The following ZNF574 variants were observed in gnomAD, a reference collection of about 807,000 sequenced individuals.
The protein encoded by ZNF574 is zinc finger protein 574.
ZNF574 carries 25 observed loss-of-function variants against 56.6 expected under a neutral mutation model. The observed-to-expected ratio is 0.44, with a 90% CI of 0.32 to 0.62. The LOEUF (loss-of-function observed/expected upper bound fraction) is 0.62. ZNF574 is among the 20% of genes least tolerant of loss of function. ZNF574 has a pLI of 0.04. For synonymous variants in ZNF574, 543 were observed against 492.1 expected (o/e 1.10, Z -1.37); for missense variants, 1,065 against 1,218.9 (o/e 0.87, Z 1.88).
intron 1 of ZNF574, chr19:42,070,795 C>T (rs1789726373): frequency 6.5e-6 from 1 of 152,698 alleles, no homozygotes; most frequent in Non-Finnish European, 1.5e-5. Flanking sequence ...ACAGAAAGCA[C>T]TCCTCAGATA....
chr19:42,073,557 ATGCCTGTAATCCCAGCAC>A (rs2076438685), upstream of ZNF574, among the ~76,000 whole-genome samples: 1 of 151,058 alleles, frequency 6.6e-6, no homozygotes, highest in African/African-American at 2.4e-5. Context: ...ATGGTGGCTC[ATGCCTGTAATCCCAGCAC>A]TTTGGGAGGT....
chr19:42,078,767 TCACTGTGGC>T lies in ZNF574; in HGVS notation c.165_173del (p.Val56_Thr58del). The T allele has an allele frequency of 6.2e-7, 1 of 1,613,784 alleles. No homozygotes were observed. The highest frequency in any genetic ancestry group is 8.5e-7 in the Non-Finnish European group (1 of 1,179,906). Reference sequence around the variant, plus strand: ...CTGGTGGGCGTGGCTGATCCCGGAGTCACTGTGGCCACAGACACAGCTTCAGGCACGGGC... The same window carrying T: ...CTGGTGGGCGTGGCTGATCCCGGAGTCACAGACACAGCTTCAGGCACGGGC... On this transcript the variant is annotated inframe_deletion, in exon 2 of 2. Transcript: ENST00000359044.
Position 42,076,203 on chromosome 19 carries a change from A to T in ZNF574, c.-104A>T, listed in dbSNP as rs1376265854. 1.3e-5 allele frequency: 2 copies of T among 152,424 alleles called. No individual in the cohort carries two copies. The highest frequency in any genetic ancestry group is 4.8e-5 in the African/African-American group (2 of 41,556). The allele number at this position is 152,424 out of a possible 1,614,324, so 9.4% of individuals were successfully genotyped here. ...ACGGAGCAGGCGAGAGGCGACGGCGAGAGCTAGAGCGGGCGCAGCGTTAGG... is the reference window on the plus strand; with the variant it reads ...ACGGAGCAGGCGAGAGGCGACGGCGTGAGCTAGAGCGGGCGCAGCGTTAGG... On this transcript the variant is annotated 5_prime_UTR_variant, in exon 1 of 2. Transcript: ENST00000359044.
At chr19:42,074,486 AAAATAAAATAAAAT>A, upstream of ZNF574, among the ~76,000 whole-genome samples, 4 of 148,370 alleles carry the variant, frequency 2.7e-5, no homozygotes, top group Admixed American at 6.7e-5. Context: ...AAAATAAAAT[AAAATAAAATAAAAT>A]AAAAATAAAA....
chr19:42,076,002 G>A (rs916068926), upstream of ZNF574, among the ~76,000 whole-genome samples: 4 of 152,258 alleles, frequency 2.6e-5, no homozygotes, highest in Admixed American at 6.5e-5. Context: ...GTTGGGCGCT[G>A]CGGGGAATCT....
chr19:42,079,059 C>T lies in ZNF574; in HGVS notation c.453C>T (p.Ala151=). Residue 151 remains alanine, a synonymous_variant, in exon 2 of 2, where the codon GCC becomes GCT. Transcript: ENST00000359044. The surrounding 1 kb of genome is among the most constrained non-coding windows in gnomAD (Gnocchi z 4.3). ...ACCACCGGCAGACGCACCTCCGGGC[C>T]ACACCCACCAAGGCTCCTGCCCCTG... is the stretch of plus-strand genomic sequence containing the variant. ...WLNHRQTHLR[A]TPTKAPAPVV... is the part of the protein sequence containing the mutation. 6.2e-7 allele frequency: 1 copy of T among 1,614,186 alleles called. No homozygotes were observed.
chr19:42,081,088 G>A lies in ZNF574; in HGVS notation c.2482G>A (p.Gly828Ser). ...GERPYSCPDCGKSYRSFSNLW... is the reference protein window; with the variant it reads ...GERPYSCPDCSKSYRSFSNLW... ...ACGACCCTACTCCTGCCCTGACTGT[G>A]GCAAGAGCTACCGCTCCTTCTCCAA... The change falls in exon 2 of 2, where the codon GGC (glycine) becomes AGC (serine). Residue 828 changes from glycine (G) to serine (S), a missense_variant. Gly to Ser is a moderately conservative substitution (Grantham distance 56). Transcript: ENST00000359044. 1 of 1,614,198 alleles carries A rather than the reference G, an allele frequency of 6.2e-7. No homozygotes were observed. The highest frequency in any genetic ancestry group is 8.5e-7 in the Non-Finnish European group (1 of 1,180,050).
Position 42,081,288 on chromosome 19 carries a change from C to A in ZNF574, c.2682C>A (p.Ile894=). 2 of 1,614,174 alleles carry A rather than the reference C, an allele frequency of 1.2e-6. No homozygotes were observed. Among genetic ancestry groups the A allele is most frequent in the Non-Finnish European group, 1.7e-6 (2 of 1,180,050 alleles). ...TGGCCGAGGCTGAGGGGGTCCAGATCAGTGGCTGACTCTGCCCGACTTCCT... is the reference window on the plus strand; with the variant it reads ...TGGCCGAGGCTGAGGGGGTCCAGATAAGTGGCTGACTCTGCCCGACTTCCT... The part of the protein sequence containing the change: ...YPLAEAEGVQ[I]SG Residue 894 remains isoleucine (I), a synonymous_variant, in exon 2 of 2, where the codon ATC becomes ATA. Transcript: ENST00000359044.
Position 42,080,918 on chromosome 19 carries a change from G to A in ZNF574, c.2312G>A (p.Cys771Tyr). 6.2e-7 allele frequency: 1 copy of A among 1,614,162 alleles called. No individual in the cohort carries two copies. Among genetic ancestry groups the A allele is most frequent in the South Asian group, 1.1e-5 (1 of 91,090 alleles). ...GAGCGGCCATACCCATGTCCAGACT[G>A]TGGCAAAGCGTTCCGTCAGAGTACC... ...TGERPYPCPD[C>Y]GKAFRQSTHL... The change falls in exon 2 of 2, where the codon TGT becomes TAT. Residue 771 changes from cysteine (C) to tyrosine (Y), a missense_variant. Cys to Tyr is a radical substitution (Grantham distance 194, BLOSUM62 -2). Coordinates refer to ENST00000359044, the MANE Select transcript of ZNF574 (RefSeq NM_022752.6). The surrounding 1 kb of genome is among the most constrained non-coding windows in gnomAD (Gnocchi z 8.5).
At chr19:42,070,769 A>G (rs1438075655) in intron 1 of ZNF574, 1 of 152,612 alleles carries the variant, frequency 6.6e-6, no homozygotes, top group Admixed American at 6.5e-5. Flanking sequence ...GAGACACAAG[A>G]GAGAGGCCCC....
rs1366162699 is a variant in ZNF574, at chr19:42,079,917, A to G, written c.1311A>G (p.Pro437=). 3 of 1,613,952 alleles carry G rather than the reference A, an allele frequency of 1.9e-6. No homozygotes were observed. The South Asian group carries it at 3.3e-5, about 18-fold the overall frequency. ...AACCTGTCATTGGTTTCCCTGAGCC[A>G]GCCCCAGCAGAGACTGGAGAGCCAG... The part of the protein sequence containing the change: ...PEEPVIGFPE[P]APAETGEPEA... The change falls in exon 2 of 2, where the codon CCA becomes CCG. Residue 437 remains proline, a synonymous_variant. Coordinates refer to ENST00000359044, the MANE Select transcript of ZNF574 (RefSeq NM_022752.6). This position sits in a 1 kb window ranked among gnomAD's most constrained non-coding sequence, Gnocchi z 4.3.
Position 42,080,500 on chromosome 19 carries a change from G to A in ZNF574, c.1894G>A (p.Gly632Arg). The change falls in exon 2 of 2, where the codon GGG (glycine) becomes AGG (arginine). Residue 632 changes from glycine to arginine, a missense_variant. Transcript: ENST00000359044. This position sits in a 1 kb window ranked among gnomAD's most constrained non-coding sequence, Gnocchi z 8.5. ...GGTGCACCAGCTCGTGGTCCATGCC[G>A]GGCGCCAGCCCCACCGCTGCCCATC... The part of the protein sequence containing the change: ...LEVHQLVVHA[G>R]RQPHRCPSCG... 3.7e-6 allele frequency: 6 copies of A among 1,613,732 alleles called. No homozygotes were observed. Among genetic ancestry groups the A allele is most frequent in the South Asian group, 2.2e-5 (2 of 91,058 alleles).
At position 42,081,448 on chromosome 19, in the gene ZNF574, G is replaced by C. The variant is rs2076502063; in HGVS notation, c.*151G>C. ...TTGGATTTATTCTCTCGTGAGGGGGGTGCTCTGGGGTCCTTGACACACATA... is the reference window on the plus strand; with the variant it reads ...TTGGATTTATTCTCTCGTGAGGGGGCTGCTCTGGGGTCCTTGACACACATA... On this transcript the variant is annotated 3_prime_UTR_variant, in exon 2 of 2. Coordinates refer to ENST00000359044, the MANE Select transcript of ZNF574 (RefSeq NM_022752.6). 1.9e-6 allele frequency: 2 copies of C among 1,037,422 alleles called. No individual in the cohort carries two copies. The highest frequency in any genetic ancestry group is 2.9e-6 in the Non-Finnish European group (2 of 688,642). 64.3% of individuals were successfully genotyped at this position (1,037,422 alleles called of 1,614,324 possible).
upstream of ZNF574, among the ~76,000 whole-genome samples, chr19:42,075,685 A>G (rs1219949783): frequency 6.6e-6 from 1 of 152,040 alleles, no homozygotes; most frequent in African/African-American, 2.4e-5. Flanking sequence ...CCTCGGGGAA[A>G]CCACAAAGGT....
chr19:42,075,998 C>A (rs2076452311), upstream of ZNF574, among the ~76,000 whole-genome samples: 1 of 152,228 alleles, frequency 6.6e-6, no homozygotes, highest in Non-Finnish European at 1.5e-5. Flanking sequence ...ATTGGTTGGG[C>A]GCTGCGGGGA....
At chr19:42,069,259 G>A (rs1016783467) in intron 1 of ZNF574, 20 of 247,378 alleles carry the variant, frequency 8.1e-5, no homozygotes, top group Non-Finnish European at 1.2e-4. Context: ...GTGGGACGGA[G>A]GGCTGGGCTC....
At position 42,079,781 on chromosome 19, in the gene ZNF574, A is replaced by G. The variant is rs2076483666; in HGVS notation, c.1175A>G (p.His392Arg). ...HRRAHTPNPL[H>R]SCPCGKTFVN... ...CGAGCCCACACCCCGAATCCTCTGC[A>G]TTCATGTCCATGTGGGAAGACCTTT... The change falls in exon 2 of 2, where the codon CAT becomes CGT. Residue 392 changes from histidine (H) to arginine (R), a missense_variant. His to Arg is a conservative substitution (Grantham distance 29). Transcript: ENST00000359044. The surrounding 1 kb of genome is among the most constrained non-coding windows in gnomAD (Gnocchi z 4.3). The G allele has an allele frequency of 6.2e-7, 1 of 1,614,172 alleles. No homozygotes were observed. The highest frequency in any genetic ancestry group is 1.7e-5 in the Admixed American group (1 of 60,028).
chr19:42,077,773 T>A (rs1045120399), intron 1 of ZNF574, among the ~76,000 whole-genome samples: 1 of 152,066 alleles, frequency 6.6e-6, no homozygotes, highest in Non-Finnish European at 1.5e-5. Flanking sequence ...AAAATGGGTC[T>A]GGGTATTCTG....
chr19:42,068,800 A>G, exon 1 of ZNF574: 1 of 593,284 alleles, frequency 1.7e-6, no homozygotes, highest in Non-Finnish European at 3.1e-6. Context: ...GGGGGCTCAA[A>G]AGCGGAAAGA....
Sources: allele counts gnomAD v4.1 joint callset (sites outside exome capture counted in the v4.1 genomes callset), GRCh38; gene constraint gnomAD v4.1.1; non-coding constraint Gnocchi (gnomAD v3.1); transcripts MANE v1.5; gene names NCBI Gene and HGNC (gene_info 2026-07-23, HGNC 2026-07-21).